Variants in SCRN1 observed in about 807,000 individuals in gnomAD.
SCRN1 encodes secernin-1.
In SCRN1, 19 loss-of-function variants were observed where a neutral mutation model predicts 43.3. That is an observed-to-expected ratio of 0.44 (90% confidence interval 0.31 to 0.64). SCRN1 has a LOEUF of 0.64. Among genes scored for constraint, SCRN1 ranks in the 30% least tolerant of loss-of-function variants. SCRN1 has a pLI of 0.09. For synonymous variants in SCRN1, 183 were observed against 188.9 expected, an observed-to-expected ratio of 0.97 and a Z score of 0.26; for missense variants, 447 against 524.1, an observed-to-expected ratio of 0.85 and a Z score of 1.44.
At chr7:29,969,875 A>G (rs1203355344) in intron 1 of SCRN1, 2 of 456,240 alleles carry the variant, frequency 4.4e-6, no homozygotes, top group Non-Finnish European at 8.8e-6. Context: ...TTCCCTTTTC[A>G]AGGTTCTTTA....
intron 3 of SCRN1, among the ~76,000 whole-genome samples, chr7:29,954,884 T>A (rs1788079124): frequency 6.6e-6 from 1 of 152,198 alleles, no homozygotes; most frequent in South Asian, 2.1e-4. Context: ...TTTCACCATG[T>A]TGGCCAGGCT....
chr7:29,932,682 T>G (rs553812030), intron 6 of SCRN1, among the ~76,000 whole-genome samples: 95 of 121,444 alleles, frequency 7.8e-4, no homozygotes, highest in African/African-American at 2.9e-3. Flanking sequence ...AAAAAAAAGA[T>G]TAGTACACTG....
chr7:29,966,018 A>G (rs917196314), intron 2 of SCRN1, among the ~76,000 whole-genome samples: 3 of 152,096 alleles, frequency 2.0e-5, no homozygotes, highest in African/African-American at 4.8e-5. Context: ...CATGGATTTG[A>G]ACAGCAAACA....
At chr7:29,940,246 C>G (rs1407577537) in intron 5 of SCRN1, among the ~76,000 whole-genome samples, 3 of 152,124 alleles carry the variant, frequency 2.0e-5, no homozygotes, top group Non-Finnish European at 4.4e-5. Flanking sequence ...AAGAATTCAA[C>G]TCATCAAGTA....
intron 5 of SCRN1, among the ~76,000 whole-genome samples, chr7:29,937,156 A>G (rs1319189204): frequency 6.6e-6 from 1 of 152,226 alleles, no homozygotes; most frequent in Non-Finnish European, 1.5e-5. Context: ...AAACTCTGAA[A>G]TTACATCTGG....
At position 29,963,347 on chromosome 7, in the gene SCRN1, A is replaced by G. The variant is rs1171165040; in HGVS notation, c.159+5562T>C. Among the ~76,000 whole-genome samples, 4 of 152,168 alleles carry G rather than the reference A, an allele frequency of 2.6e-5. No individual in the cohort carries two copies. The East Asian group carries it at 5.8e-4, about 22-fold the overall frequency. ...AGAGGAGTATCAGGCTAAAGGGAGG[A>G]GTGGATATTGGTGTTGAGGCCTGGA... is the stretch of plus-strand genomic sequence containing the variant. On this transcript the variant is annotated intron_variant, in intron 2 of 7. Transcript: ENST00000242059.
At chr7:29,933,404 A>G (rs1347753761) in intron 6 of SCRN1, among the ~76,000 whole-genome samples, 1 of 152,216 alleles carries the variant, frequency 6.6e-6, no homozygotes. Context: ...CCGTGGCTCC[A>G]GCACACTGTA....
rs1301212466 is a variant in SCRN1, at chr7:29,944,057, C to A, written c.464G>T (p.Ser155Ile). The A allele has an allele frequency of 1.2e-6, 2 of 1,614,128 alleles. No homozygotes were observed. The highest frequency in any genetic ancestry group is 2.2e-5 in the East Asian group (1 of 44,902). ...EDANSCHSFQ[S>I]AYLIVDRDEA... ...ATCACGATCCACAATCAGATATGCACTTTGGAAGCTGTGGCAGGAGTTTGC... is the reference window on the plus strand; with the variant it reads ...ATCACGATCCACAATCAGATATGCAATTTGGAAGCTGTGGCAGGAGTTTGC... Residue 155 changes from serine (S) to isoleucine (I), a missense_variant, in exon 4 of 8, where the codon AGT becomes ATT. Coordinates refer to ENST00000242059, the MANE Select transcript of SCRN1 (RefSeq NM_014766.5).
intron 1 of SCRN1, 128 bp downstream of exon 1, chr7:29,989,514 G>A (rs1408390813): frequency 1.3e-5 from 13 of 977,934 alleles, no homozygotes; most frequent in African/African-American, 1.8e-5. Context: ...TCGGCCTGGG[G>A]TAACGCTACC....
intron 3 of SCRN1, among the ~76,000 whole-genome samples, chr7:29,947,979 A>T (rs1474794124): frequency 6.6e-6 from 1 of 152,200 alleles, no homozygotes; most frequent in East Asian, 1.9e-4. Context: ...GTCTCTAGGA[A>T]TGTGAAAAAT....
intron 3 of SCRN1, among the ~76,000 whole-genome samples, chr7:29,948,622 GT>G (rs1302585163): frequency 2.0e-5 from 3 of 152,222 alleles, no homozygotes; most frequent in African/African-American, 7.2e-5. Flanking sequence ...AATTGACTAG[GT>G]TTTAGTGCCA....
intron 3 of SCRN1, chr7:29,947,212 C>T (rs1159062908): frequency 2.6e-6 from 4 of 1,550,384 alleles, no homozygotes; most frequent in African/African-American, 2.7e-5. Flanking sequence ...GAATTAGATG[C>T]TCCTGAATTC....
intron 1 of SCRN1, among the ~76,000 whole-genome samples, chr7:29,984,204 C>CAAAAAAAAA (rs55733700): frequency 3.1e-5 from 3 of 98,252 alleles, no homozygotes; most frequent in Admixed American, 1.2e-4. Flanking sequence ...AGACAGTCTC[C>CAAAAAAAAA]AAAAAAAAAA....
At position 29,923,888 on chromosome 7, in the gene SCRN1, T is replaced by G; in HGVS notation, c.*69A>C. ...TTCTCATTTTACTCAAACAGGAGAG[T>G]GGTTTGTTTTGCTGGTAATTTAGTA... On this transcript the variant is annotated 3_prime_UTR_variant, in exon 8 of 8. Transcript: ENST00000242059. 6.8e-7 allele frequency: 1 copy of G among 1,467,726 alleles called. No homozygotes were observed. 90.9% of individuals were successfully genotyped at this position (1,467,726 alleles called of 1,614,324 possible).
At chr7:29,963,962 A>G (rs1254084650) in intron 2 of SCRN1, among the ~76,000 whole-genome samples, 1 of 152,224 alleles carries the variant, frequency 6.6e-6, no homozygotes, top group Non-Finnish European at 1.5e-5. Flanking sequence ...TTCACACAAA[A>G]CAATAGAAAA....
At chr7:29,947,246 C>A in intron 3 of SCRN1, 1 of 1,550,696 alleles carries the variant, frequency 6.4e-7, no homozygotes, top group Non-Finnish European at 8.7e-7. Flanking sequence ...ATAGGAAAAT[C>A]TTTCCCTGGG....
At chr7:29,959,226 C>G (rs1788229549) in intron 2 of SCRN1, among the ~76,000 whole-genome samples, 1 of 152,138 alleles carries the variant, frequency 6.6e-6, no homozygotes, top group Non-Finnish European at 1.5e-5. Flanking sequence ...GTGAACACAA[C>G]CCTGGCACCA....
chr7:29,952,500 G>T (rs535506337), intron 3 of SCRN1, among the ~76,000 whole-genome samples: 2 of 152,064 alleles, frequency 1.3e-5, no homozygotes, highest in Non-Finnish European at 2.9e-5. Context: ...GACCAGCCTG[G>T]TCAACATGGT....
At chr7:29,978,944 T>C (rs1788912736) in intron 1 of SCRN1, among the ~76,000 whole-genome samples, 1 of 152,264 alleles carries the variant, frequency 6.6e-6, no homozygotes, top group Non-Finnish European at 1.5e-5. Flanking sequence ...TTCAACGGAA[T>C]GTTGTGCTTC....
Sources: allele counts gnomAD v4.1 joint callset (sites outside exome capture counted in the v4.1 genomes callset), GRCh38; gene constraint gnomAD v4.1.1; transcripts MANE v1.5; gene names NCBI Gene and HGNC (gene_info 2026-07-23, HGNC 2026-07-21).